The following APBA2 variants were observed in gnomAD, a reference collection of about 807,000 sequenced individuals.
The protein encoded by APBA2 is amyloid beta precursor protein binding family A member 2, also known as amyloid-beta A4 precursor protein-binding family A member 2.
In APBA2, 30 loss-of-function variants were observed where a neutral mutation model predicts 75.0. That is an observed-to-expected ratio of 0.40 (90% confidence interval 0.30 to 0.54). The LOEUF is 0.54. APBA2 is among the 20% of genes least tolerant of loss of function. The pLI, the probability that APBA2 is intolerant of heterozygous loss-of-function variation, is 0.49. For synonymous variants in APBA2, 444 were observed against 409.6 expected (o/e 1.08, Z -1.01); for missense variants, 801 against 1,016.1 (o/e 0.79, Z 2.88).
intron 3 of APBA2, among the ~76,000 whole-genome samples, chr15:29,044,817 G>A (rs1011036608): frequency 3.3e-5 from 5 of 152,168 alleles, no homozygotes; most frequent in Admixed American, 1.3e-4. Flanking sequence ...AGCTCAGGCT[G>A]CTATATCAAA....
At chr15:28,928,427 T>C (rs2034392214) in intron 2 of APBA2, among the ~76,000 whole-genome samples, 1 of 152,146 alleles carries the variant, frequency 6.6e-6, no homozygotes, top group Non-Finnish European at 1.5e-5. Flanking sequence ...TCTCCCAGCT[T>C]TCACCTGCTG....
rs535234003 is a variant in APBA2 at position 29,100,806 on chromosome 15, C to T, written c.1339-793C>T. 2.1e-4 allele frequency among the ~76,000 whole-genome samples: 32 copies of T among 152,312 alleles called. No individual in the cohort carries two copies. The East Asian group carries it at 4.6e-3, about 22-fold the overall frequency. ...CCAGAGCCACTGGTGGCCTCTCATC[C>T]GGGAATGTATGGGTTTCACTATATG... On this transcript the variant is annotated intron_variant, in intron 9 of 14. Transcript: ENST00000683413.
At chr15:28,916,383 C>T (rs1327992113) in intron 1 of APBA2, among the ~76,000 whole-genome samples, 7 of 152,232 alleles carry the variant, frequency 4.6e-5, no homozygotes, top group African/African-American at 7.2e-5. Flanking sequence ...AGGAGACCTT[C>T]AAAGGCACAC....
chr15:28,901,830 C>T (rs184176299), intron 1 of APBA2, among the ~76,000 whole-genome samples: 86 of 151,356 alleles, frequency 5.7e-4, no homozygotes, highest in Admixed American at 1.2e-3. Flanking sequence ...TTTGCAGTGC[C>T]GAGGGCATCA....
chr15:28,892,020 T>C (rs1470891542), intron 1 of APBA2, among the ~76,000 whole-genome samples: 1 of 152,236 alleles, frequency 6.6e-6, no homozygotes, highest in South Asian at 2.1e-4. Context: ...ATTTCCAGTC[T>C]TGCAAGCTCC....
At chr15:28,951,881 CTT>C (rs71414600) in intron 2 of APBA2, among the ~76,000 whole-genome samples, 17 of 109,816 alleles carry the variant, frequency 1.5e-4, no homozygotes, top group African/African-American at 3.8e-4. Flanking sequence ...TGCACTCAGC[CTT>C]TTTTTTTTTT....
At chr15:29,001,588 T>G (rs898387595) in intron 3 of APBA2, among the ~76,000 whole-genome samples, 10 of 152,326 alleles carry the variant, frequency 6.6e-5, no homozygotes, top group African/African-American at 2.4e-4. Context: ...ATTGTGAGAA[T>G]GAACCACATA....
intron 6 of APBA2, among the ~76,000 whole-genome samples, chr15:29,084,244 T>C (rs753194397): frequency 6.6e-6 from 1 of 152,264 alleles, no homozygotes; most frequent in Non-Finnish European, 1.5e-5. Context: ...TGATTTTTGC[T>C]GCTTCCTTTC....
At chr15:28,909,855 A>G (rs1369020518) in intron 1 of APBA2, among the ~76,000 whole-genome samples, 1 of 152,204 alleles carries the variant, frequency 6.6e-6, no homozygotes, top group Non-Finnish European at 1.5e-5. Flanking sequence ...GTTAGGTGGA[A>G]GCTCTTAGAA....
At chr15:28,978,019 C>T (rs1344131098) in intron 2 of APBA2, among the ~76,000 whole-genome samples, 4 of 152,144 alleles carry the variant, frequency 2.6e-5, no homozygotes, top group Non-Finnish European at 5.9e-5. Context: ...TTGTCCAAAG[C>T]CAAACATGGG....
At chr15:29,033,566 T>C (rs923187115) in intron 3 of APBA2, among the ~76,000 whole-genome samples, 27 of 152,006 alleles carry the variant, frequency 1.8e-4, no homozygotes, top group African/African-American at 6.5e-4. Context: ...AGTCTTAAAT[T>C]AGATAATTTG....
At chr15:29,007,694 G>A (rs1287406392) in intron 3 of APBA2, among the ~76,000 whole-genome samples, 2 of 152,076 alleles carry the variant, frequency 1.3e-5, no homozygotes, top group African/African-American at 4.8e-5. Flanking sequence ...TATCTATTAG[G>A]CCGGCTATTA....
chr15:28,947,209 C>T (rs940708230), intron 2 of APBA2, among the ~76,000 whole-genome samples: 2 of 152,142 alleles, frequency 1.3e-5, no homozygotes, highest in African/African-American at 4.8e-5. Flanking sequence ...ACGCTGGGCC[C>T]TTAGTGGAAA....
At chr15:28,947,142 C>T (rs538933543) in intron 2 of APBA2, among the ~76,000 whole-genome samples, 4 of 152,328 alleles carry the variant, frequency 2.6e-5, no homozygotes, top group South Asian at 4.1e-4. Flanking sequence ...CCTGCCACAG[C>T]GCACTTGCAG....
chr15:29,001,901 T>C (rs1175340762), intron 3 of APBA2, among the ~76,000 whole-genome samples: 1 of 152,196 alleles, frequency 6.6e-6, no homozygotes, highest in Middle Eastern at 3.2e-3. Flanking sequence ...GCCATTTCTG[T>C]ATGTAACTTT....
At chr15:28,956,185 G>A (rs917032481) in intron 2 of APBA2, among the ~76,000 whole-genome samples, 25 of 152,268 alleles carry the variant, frequency 1.6e-4, no homozygotes, top group African/African-American at 6.0e-4. Context: ...GAAGGGTGGG[G>A]CAGAGCCCTC....
At chr15:29,101,299 G>A (rs1341069390) in intron 9 of APBA2, among the ~76,000 whole-genome samples, 2 of 151,248 alleles carry the variant, frequency 1.3e-5, no homozygotes, top group Non-Finnish European at 2.9e-5. Context: ...GCGCAATCTC[G>A]GCTCGATGCA....
intron 2 of APBA2, among the ~76,000 whole-genome samples, chr15:28,982,088 A>G (rs1163022021): frequency 6.6e-6 from 1 of 152,224 alleles, no homozygotes; most frequent in Non-Finnish European, 1.5e-5. Flanking sequence ...ATCATACCCC[A>G]AAGCTTAGCA....
chr15:29,032,570 A>G (rs2040542240), intron 3 of APBA2, among the ~76,000 whole-genome samples: 2 of 152,140 alleles, frequency 1.3e-5, no homozygotes, highest in African/African-American at 4.8e-5. Flanking sequence ...AAAATTCCTA[A>G]TACTGTAGTT....
Sources: gnomAD v4.1 joint callset for allele counts (sites outside exome capture counted in the v4.1 genomes callset) on GRCh38, gnomAD v4.1.1 for gene constraint, MANE v1.5 for transcripts, NCBI Gene and HGNC (gene_info 2026-07-23, HGNC 2026-07-21) for gene names.